Variants in POMZP3 observed in about 807,000 individuals in gnomAD.
The protein encoded by POMZP3 is POM121 and ZP3 fusion protein.
A neutral mutation model predicts 19.8 loss-of-function variants in POMZP3; 10 were observed. The observed-to-expected ratio is 0.51, with a 90% CI of 0.31 to 0.86. POMZP3 has a LOEUF of 0.86. POMZP3 is among the 40% of genes least tolerant of loss of function. The pLI is 0.04. For missense variants in POMZP3, 152 were observed against 228.1 expected, an observed-to-expected ratio of 0.67 and a Z score of 2.15; for synonymous variants, 57 against 85.8, an observed-to-expected ratio of 0.66 and a Z score of 1.85.
At chr7:76,610,650 T>C (rs923673081) in intron 6 of POMZP3, among the ~76,000 whole-genome samples, 5 of 151,444 alleles carry the variant, frequency 3.3e-5, no homozygotes, top group Non-Finnish European at 7.4e-5. Context: ...AGACACCATC[T>C]TGGTGCAGGG....
chr7:76,621,023 C>T (rs1243212018), intron 3 of POMZP3: 3 of 149,546 alleles, frequency 2.0e-5, no homozygotes, highest in Non-Finnish European at 2.9e-5. Context: ...CGCCCGCCAC[C>T]ACGTCCGGCT....
At position 76,620,330 on chromosome 7, in the gene POMZP3, A is replaced by T. The variant is rs1215260013; in HGVS notation, c.228-2030T>A. On this transcript the variant is annotated intron_variant, in intron 3 of 6. Coordinates refer to ENST00000310842, the MANE Select transcript of POMZP3 (RefSeq NM_012230.5). ...GCAACAGAGTGAGACTGTCTCAAAT[A>T]AAAAAAAAAAAAAAAAAGGACAACA... is the stretch of plus-strand genomic sequence containing the variant. Among the ~76,000 whole-genome samples, 2 of 49,692 alleles carry T rather than the reference A, an allele frequency of 4.0e-5. 1 individual carries two copies. The highest frequency in any genetic ancestry group is 8.0e-5 in the Non-Finnish European group (2 of 24,926). The allele number at this position is 49,692 out of a possible 152,430, so 32.6% of individuals were successfully genotyped here. A position where few individuals can be genotyped will look rare whatever the true frequency, so the allele number is the denominator to read the frequency against.
At chr7:76,620,031 AG>A (rs1815466826) in intron 3 of POMZP3, among the ~76,000 whole-genome samples, 1 of 70,280 alleles carries the variant, frequency 1.4e-5, no homozygotes, top group Non-Finnish European at 2.7e-5. Flanking sequence ...AAAAAAAAAA[AG>A]GGCCGGGTGC....
At chr7:76,622,488 C>T (rs1367096356) in intron 3 of POMZP3, among the ~76,000 whole-genome samples, 9 of 144,690 alleles carry the variant, frequency 6.2e-5, no homozygotes, top group African/African-American at 1.8e-4. Flanking sequence ...AAGCGATTCT[C>T]CTGCCTCAGC....
intron 4 of POMZP3, among the ~76,000 whole-genome samples, chr7:76,616,916 G>C (rs1298953644): frequency 1.1e-5 from 1 of 93,678 alleles, no homozygotes; most frequent in East Asian, 2.8e-4. Context: ...CCAGCACTTT[G>C]GGAGACCGAG....
rs566412243 is a variant in POMZP3 at position 76,619,728 on chromosome 7, G to C, written c.228-1428C>G. Reference sequence around the variant, plus strand: ...ACTGTTGGCCACAAAATGGGGAGTGGTGTTGAGCAAAGAAATTTAAACTCT... The same window carrying C: ...ACTGTTGGCCACAAAATGGGGAGTGCTGTTGAGCAAAGAAATTTAAACTCT... On this transcript the variant is annotated intron_variant, in intron 3 of 6. Coordinates refer to ENST00000310842, the MANE Select transcript of POMZP3 (RefSeq NM_012230.5). Among the ~76,000 whole-genome samples the C allele has an allele frequency of 7.2e-3, 988 of 136,494 alleles. 14 individuals carry two copies. Among genetic ancestry groups the C allele is most frequent in the African/African-American group, 0.028 (941 of 33,662 alleles). 89.5% of individuals were successfully genotyped at this position (136,494 alleles called of 152,430 possible).
intron 3 of POMZP3, among the ~76,000 whole-genome samples, chr7:76,621,544 A>T (rs1815559086): frequency 6.6e-6 from 1 of 151,584 alleles, no homozygotes; most frequent in African/African-American, 2.4e-5. Flanking sequence ...TGAGGCTGAG[A>T]CCTATTGGGC....
intron 3 of POMZP3, among the ~76,000 whole-genome samples, chr7:76,622,455 T>C (rs1202912290): frequency 1.5e-5 from 2 of 132,740 alleles, no homozygotes; most frequent in Admixed American, 7.7e-5. Context: ...CTCAGCTCAC[T>C]GCAACCTCCG....
chr7:76,614,850 A>C (rs1584341951), intron 4 of POMZP3, among the ~76,000 whole-genome samples: 3 of 68,010 alleles, frequency 4.4e-5, no homozygotes. Context: ...ACAGAGCGAG[A>C]CTCTGTCCAA....
At chr7:76,625,013 G>T (rs1304011966) in intron 3 of POMZP3, among the ~76,000 whole-genome samples, 6 of 150,902 alleles carry the variant, frequency 4.0e-5, no homozygotes, top group Non-Finnish European at 7.4e-5. Flanking sequence ...GGCGCCTGTA[G>T]TCCCAGCTAC....
At position 76,625,521 on chromosome 7, in the gene POMZP3, C is replaced by T; in HGVS notation, c.227+1G>A. 1.9e-6 allele frequency: 3 copies of T among 1,613,184 alleles called. No individual in the cohort carries two copies. Among genetic ancestry groups the T allele is most frequent in the East Asian group, 2.2e-5 (1 of 44,842 alleles). ...GCTTAGTACTCTCCTGAGCCTGTTA[C>T]CTTCTTTTATTTTCCTGGCCATCAA... On this transcript the variant is annotated splice_donor_variant, in intron 3 of 6. Transcript: ENST00000310842. LOFTEE classifies it high-confidence loss of function.
In POMZP3 at chr7:76,611,810, A is replaced by T; in HGVS notation, c.349T>A (p.Tyr117Asn). ...HFANDSRNMI[Y>N]ITCHLKVTLA... ...GTGACCTTCAGGTGGCAGGTGATGT[A>T]TATCTGCAAGGAATAACAGCTATTT... The change falls in exon 5 of 7, where the codon TAC (tyrosine) becomes AAC (asparagine). Residue 117 changes from tyrosine to asparagine, a missense_variant. Physicochemically the swap from Tyr to Asn is moderately radical, Grantham distance 143. Around this residue, in one of 4 missense-constraint regions of POMZP3, gnomAD observed 65 missense variants for 86.2 expected, o/e 0.75. Coordinates refer to ENST00000310842, the MANE Select transcript of POMZP3 (RefSeq NM_012230.5). The T allele has an allele frequency of 1.3e-6, 2 of 1,573,570 alleles. No homozygotes were observed. Among genetic ancestry groups the T allele is most frequent in the East Asian group, 2.2e-5 (1 of 44,770 alleles).
At chr7:76,620,610 GGC>G (rs1402997180) in intron 3 of POMZP3, among the ~76,000 whole-genome samples, 2 of 151,676 alleles carry the variant, frequency 1.3e-5, no homozygotes, top group East Asian at 3.9e-4. Flanking sequence ...TGAGACTACA[GGC>G]GTGTCCCACC....
Position 76,625,418 on chromosome 7 carries a change from C to G in POMZP3, c.227+104G>C. Reference sequence around the variant, plus strand: ...AGCCAAAGAAGGAGGCCTATGAAGGCTCACAAACTGGAGGTGGCCTCTGTA... The same window carrying G: ...AGCCAAAGAAGGAGGCCTATGAAGGGTCACAAACTGGAGGTGGCCTCTGTA... On this transcript the variant is annotated intron_variant, in intron 3 of 6. Transcript: ENST00000310842. 7.0e-6 allele frequency: 11 copies of G among 1,574,258 alleles called. No individual in the cohort carries two copies. In the South Asian group the frequency reaches 9.1e-5, roughly 13 times the overall value.
chr7:76,625,488 G>A (rs761028743), intron 3 of POMZP3, 34 bp downstream of exon 3: 4 of 1,605,354 alleles, frequency 2.5e-6, no homozygotes, highest in South Asian at 2.2e-5. Context: ...AGTCCAAGCG[G>A]GAAACTGGCT....
chr7:76,623,702 A>C (rs1216821542), intron 3 of POMZP3, among the ~76,000 whole-genome samples: 1 of 150,528 alleles, frequency 6.6e-6, no homozygotes, highest in Non-Finnish European at 1.5e-5. Flanking sequence ...CAGCAGGCTG[A>C]GGCAGGAGAA....
intron 6 of POMZP3, among the ~76,000 whole-genome samples, chr7:76,611,032 G>A (rs7808518): frequency 0.52 from 66,605 of 127,958 alleles, 17,249 homozygotes; most frequent in Middle Eastern, 0.68. Context: ...GTACCACCAC[G>A]CCCAGCTAAT....
chr7:76,618,626 GA>G (rs909174142), intron 3 of POMZP3: 19 of 300,498 alleles, frequency 6.3e-5, no homozygotes, highest in Admixed American at 4.7e-4. Context: ...CTGAAAAAAA[GA>G]AAAAAAAGGA....
chr7:76,614,492 G>A (rs1815218524), intron 4 of POMZP3, among the ~76,000 whole-genome samples: 1 of 81,118 alleles, frequency 1.2e-5, no homozygotes, highest in Admixed American at 1.2e-4. Flanking sequence ...CTGGGAGATG[G>A]GAAGTTGCAG....
Sources: allele counts gnomAD v4.1 joint callset (sites outside exome capture counted in the v4.1 genomes callset), GRCh38; gene constraint gnomAD v4.1.1; regional missense constraint gnomAD v4.1.1; transcripts MANE v1.5; gene names NCBI Gene and HGNC (gene_info 2026-07-23, HGNC 2026-07-21).